FIGN: variants seen among roughly 807,000 people sequenced by gnomAD.
FIGN encodes the protein fidgetin.
FIGN carries 11 observed loss-of-function variants against 51.3 expected under a neutral mutation model. The observed-to-expected ratio is 0.21, with a 90% CI of 0.13 to 0.35. The LOEUF is 0.35. Among genes scored for constraint, FIGN ranks in the 10% least tolerant of loss-of-function variants. The pLI is 1.00. For missense variants in FIGN, 857 were observed against 943.6 expected, an observed-to-expected ratio of 0.91 and a Z score of 1.20; for synonymous variants, 407 against 363.2, an observed-to-expected ratio of 1.12 and a Z score of -1.37.
At chr2:163,653,799 G>C (rs1683515499) in intron 2 of FIGN, among the ~76,000 whole-genome samples, 1 of 151,984 alleles carries the variant, frequency 6.6e-6, no homozygotes, top group African/African-American at 2.4e-5. Context: ...TGTGCAACAG[G>C]AATTTATTTT....
At chr2:163,639,642 T>G (rs899000491) in intron 2 of FIGN, among the ~76,000 whole-genome samples, 1 of 152,148 alleles carries the variant, frequency 6.6e-6, no homozygotes, top group South Asian at 2.1e-4. Flanking sequence ...CTTTACTCTC[T>G]TCAGTGGGGA....
At chr2:163,701,055 A>G (rs1394213195) in intron 2 of FIGN, among the ~76,000 whole-genome samples, 2 of 152,170 alleles carry the variant, frequency 1.3e-5, no homozygotes, top group African/African-American at 4.8e-5. Flanking sequence ...AAAGATACAC[A>G]TGCATTTAAG....
Position 163,610,282 on chromosome 2 carries a change from G to T in FIGN, c.1550C>A (p.Ala517Asp). 1.2e-6 allele frequency: 2 copies of T among 1,614,088 alleles called. No individual in the cohort carries two copies. The highest frequency in any genetic ancestry group is 1.1e-5 in the South Asian group (1 of 91,082). The change falls in exon 3 of 3, where the codon GCC becomes GAC. Residue 517 changes from alanine (A) to aspartate (D), a missense_variant. Physicochemically the swap from Ala to Asp is moderately radical, Grantham distance 126 (BLOSUM62 -2). Around this residue, in one of 3 missense-constraint regions of FIGN, gnomAD observed 799 missense variants for 849.5 expected, o/e 0.94. Coordinates refer to ENST00000333129, the MANE Select transcript of FIGN (RefSeq NM_018086.4). ...LRSDAFSGLT[A>D]LPRSILLFGP... is the part of the protein sequence containing the mutation. Reference sequence around the variant, plus strand: ...AAATAAAAGGATGCTCCGAGGTAAGGCCGTCAGTCCACTGAACGCGTCTGA... The same window carrying T: ...AAATAAAAGGATGCTCCGAGGTAAGTCCGTCAGTCCACTGAACGCGTCTGA...
At chr2:163,669,814 A>G (rs1050451300) in intron 2 of FIGN, among the ~76,000 whole-genome samples, 5 of 152,202 alleles carry the variant, frequency 3.3e-5, no homozygotes, top group African/African-American at 1.2e-4. Context: ...AGTGACAATA[A>G]AATTCTTTAT....
Position 163,610,806 on chromosome 2 carries a change from T to A in FIGN, c.1026A>T (p.Arg342Ser). The A allele has an allele frequency of 6.2e-7, 1 of 1,614,120 alleles. No homozygotes were observed. Among genetic ancestry groups the A allele is most frequent in the Non-Finnish European group, 8.5e-7 (1 of 1,180,008 alleles). Residue 342 changes from arginine (R) to serine (S), a missense_variant, in exon 3 of 3, where the codon AGA (arginine) becomes AGT (serine). By Grantham distance (110) the Arg-to-Ser change is moderately radical. Coordinates refer to ENST00000333129, the MANE Select transcript of FIGN (RefSeq NM_018086.4). Reference protein sequence around the residue: ...SYGNYSYGQQRSTQSPMYRMP... With the variant: ...SYGNYSYGQQSSTQSPMYRMP... ...TTCTGTACATAGGACTCTGTGTAGA[T>A]CTCTGTTGGCCATAGCTGTAATTTC...
chr2:163,705,854 A>G lies in FIGN; in HGVS notation c.25+29049T>C, dbSNP rs533080388. Among the ~76,000 whole-genome samples, 8 of 152,274 alleles carry G rather than the reference A, an allele frequency of 5.3e-5. No individual in the cohort carries two copies. In the East Asian group the frequency reaches 1.4e-3, roughly 26 times the overall value. ...TATAAAAACCAGTTAAGGAATGCCAACTACTACAGAAAAACTAAAAACAAC... is the reference window on the plus strand; with the variant it reads ...TATAAAAACCAGTTAAGGAATGCCAGCTACTACAGAAAAACTAAAAACAAC... On this transcript the variant is annotated intron_variant, in intron 2 of 2. Transcript: ENST00000333129.
At chr2:163,721,235 C>A (rs1425053606) in intron 2 of FIGN, among the ~76,000 whole-genome samples, 1 of 152,108 alleles carries the variant, frequency 6.6e-6, no homozygotes, top group Non-Finnish European at 1.5e-5. Flanking sequence ...TGATTATAAA[C>A]CAAGTAGAAT....
At chr2:163,670,175 T>A (rs900371184) in intron 2 of FIGN, among the ~76,000 whole-genome samples, 2 of 152,184 alleles carry the variant, frequency 1.3e-5, no homozygotes, top group Non-Finnish European at 2.9e-5. Context: ...ATAAATGTGA[T>A]CCTTTTTAAA....
chr2:163,654,624 G>A (rs1299664023), intron 2 of FIGN, among the ~76,000 whole-genome samples: 1 of 152,146 alleles, frequency 6.6e-6, no homozygotes, highest in Non-Finnish European at 1.5e-5. Context: ...AGACGAAGGG[G>A]AGAGGCAAGG....
At chr2:163,678,291 G>A (rs1367372280) in intron 2 of FIGN, among the ~76,000 whole-genome samples, 3 of 151,954 alleles carry the variant, frequency 2.0e-5, no homozygotes, top group African/African-American at 7.3e-5. Context: ...TGCGATCTTG[G>A]CTCACTGCAA....
intron 2 of FIGN, among the ~76,000 whole-genome samples, chr2:163,676,453 A>G (rs1434564619): frequency 2.4e-5 from 2 of 83,906 alleles, no homozygotes; most frequent in African/African-American, 4.2e-5. Context: ...ATATATATAT[A>G]TATATATATA....
intron 2 of FIGN, among the ~76,000 whole-genome samples, chr2:163,714,431 TC>T (rs749026607): frequency 7.9e-5 from 12 of 151,684 alleles, no homozygotes; most frequent in Non-Finnish European, 1.3e-4. Context: ...CTGCGTCACC[TC>T]CCCCCAAAAA....
chr2:163,619,254 G>A (rs576847167), intron 2 of FIGN, among the ~76,000 whole-genome samples: 41 of 152,172 alleles, frequency 2.7e-4, no homozygotes, highest in African/African-American at 9.1e-4. Flanking sequence ...CTTTTATAAG[G>A]TTATTTAAGC....
intron 2 of FIGN, among the ~76,000 whole-genome samples, chr2:163,717,535 T>TA (rs982869110): frequency 5.3e-5 from 8 of 152,036 alleles, no homozygotes; most frequent in Non-Finnish European, 1.0e-4. Flanking sequence ...GTAATTTTTT[T>TA]AAAAAAATTT....
At chr2:163,632,220 C>T (rs756112002) in intron 2 of FIGN, among the ~76,000 whole-genome samples, 14 of 152,110 alleles carry the variant, frequency 9.2e-5, no homozygotes, top group Non-Finnish European at 1.6e-4. Flanking sequence ...AAGTTATACA[C>T]TTGGCAAAAA....
Position 163,611,596 on chromosome 2 carries a change from A to G in FIGN, c.236T>C (p.Leu79Ser), listed in dbSNP as rs1472836615. 1.9e-6 allele frequency: 3 copies of G among 1,614,128 alleles called. No homozygotes were observed. Among genetic ancestry groups the G allele is most frequent in the Non-Finnish European group, 2.5e-6 (3 of 1,180,042 alleles). ...KKYAEKYSGI[L>S]EGPVDRPVLS... ...TACGGGTCGGTCCACAGGACCTTCC[A>G]AAATGCCGGAATACTTCTCTGCATA... Residue 79 changes from leucine (L) to serine (S), a missense_variant, in exon 3 of 3, where the codon TTG (leucine) becomes TCG (serine). This residue lies in a region of FIGN where 799 missense variants were observed against 849.5 expected (regional missense o/e 0.94). Coordinates refer to ENST00000333129, the MANE Select transcript of FIGN (RefSeq NM_018086.4).
chr2:163,675,827 T>C (rs1683953377), intron 2 of FIGN, among the ~76,000 whole-genome samples: 1 of 145,412 alleles, frequency 6.9e-6, no homozygotes, highest in Admixed American at 7.1e-5. Flanking sequence ...ATATAATATA[T>C]ATACATCATA....
Position 163,607,431 on chromosome 2 carries a change from A to T in FIGN, c.*2121T>A, listed in dbSNP as rs1691133080. The T allele has an allele frequency of 6.6e-6, 1 of 152,338 alleles. No individual in the cohort carries two copies. The highest frequency in any genetic ancestry group is 2.4e-5 in the African/African-American group (1 of 41,446). 9.4% of individuals were successfully genotyped at this position (152,338 alleles called of 1,614,324 possible). A position where few individuals can be genotyped will look rare whatever the true frequency, so the allele number is the denominator to read the frequency against. ...GTCACAGTAAATTAAATTCTGGTTC[A>T]ATTGCTCAGTTTTTAGCAACATAAA... On this transcript the variant is annotated 3_prime_UTR_variant, in exon 3 of 3. Coordinates refer to ENST00000333129, the MANE Select transcript of FIGN (RefSeq NM_018086.4).
intron 2 of FIGN, among the ~76,000 whole-genome samples, chr2:163,651,747 T>C (rs957616179): frequency 2.0e-5 from 3 of 152,182 alleles, no homozygotes; most frequent in Non-Finnish European, 4.4e-5. Context: ...CTCAGTTCAT[T>C]CTGTTTAGGA....
Sources: gnomAD v4.1 joint callset for allele counts (sites outside exome capture counted in the v4.1 genomes callset) on GRCh38, gnomAD v4.1.1 for gene constraint, gnomAD v4.1.1 regional missense constraint, MANE v1.5 for transcripts, NCBI Gene and HGNC (gene_info 2026-07-23, HGNC 2026-07-21) for gene names.